The following THOP1 variants were observed in gnomAD, a reference collection of about 807,000 sequenced individuals.
THOP1 encodes thimet oligopeptidase.
A neutral mutation model predicts 71.8 loss-of-function variants in THOP1; 49 were observed. The ratio of observed to expected loss-of-function variants is 0.68; its 90% confidence interval spans 0.54 to 0.87. The LOEUF is 0.87. THOP1 is among the 40% of genes least tolerant of loss of function. THOP1 has a pLI of 0.00. For missense variants in THOP1, 843 were observed against 975.6 expected (o/e 0.86, Z 1.81); for synonymous variants, 426 against 421.5 (o/e 1.01, Z -0.13).
chr19:2,806,494 C>A (rs1319137110), intron 6 of THOP1: 2 of 232,256 alleles, frequency 8.6e-6, no homozygotes, highest in Non-Finnish European at 1.7e-5. Context: ...CATGCGTCCT[C>A]CCCCACCCCC....
chr19:2,799,365 G>T (rs1916089818), intron 4 of THOP1, among the ~76,000 whole-genome samples: 1 of 152,188 alleles, frequency 6.6e-6, no homozygotes, highest in Non-Finnish European at 1.5e-5. Flanking sequence ...CTCTGAAGGT[G>T]ATTCCTTAAT....
At chr19:2,788,991 C>T (rs1348970111) in intron 1 of THOP1, among the ~76,000 whole-genome samples, 1 of 152,206 alleles carries the variant, frequency 6.6e-6, no homozygotes, top group Admixed American at 6.5e-5. Context: ...GAACTCCTGA[C>T]CTCAAGTGAT....
chr19:2,807,001 G>A lies in THOP1; in HGVS notation c.835G>A (p.Val279Ile). ...GGGGTTCCACACGCACGCCGACTATGTCCTGGAGATGAACATGGCCAAGAC... is the reference window on the plus strand; with the variant it reads ...GGGGTTCCACACGCACGCCGACTATATCCTGGAGATGAACATGGCCAAGAC... ...LLGFHTHADY[V>I]LEMNMAKTSQ... Residue 279 changes from valine to isoleucine, a missense_variant, in exon 7 of 13, where the codon GTC becomes ATC. Physicochemically the swap from Val to Ile is conservative, Grantham distance 29. Coordinates refer to ENST00000307741, the MANE Select transcript of THOP1 (RefSeq NM_003249.5). 1 of 1,612,954 alleles carries A rather than the reference G, an allele frequency of 6.2e-7. No homozygotes were observed. Among genetic ancestry groups the A allele is most frequent in the Non-Finnish European group, 8.5e-7 (1 of 1,179,830 alleles).
At chr19:2,794,396 A>AT (rs1275591086) in intron 2 of THOP1, among the ~76,000 whole-genome samples, 2 of 152,222 alleles carry the variant, frequency 1.3e-5, no homozygotes. Flanking sequence ...TAAGTAGTTT[A>AT]TGCATTTAAA....
chr19:2,802,538 A>AACACCTCCCGACACCC, intron 5 of THOP1, among the ~76,000 whole-genome samples: 1 of 81,904 alleles, frequency 1.2e-5, no homozygotes, highest in African/African-American at 5.8e-5. Context: ...TCCCGACACC[A>AACACCTCCCGACACCC]ACACCTCCCG....
At chr19:2,813,081 C>T in intron 12 of THOP1, 34 bp from the exon 13 acceptor site, 4 of 1,580,304 alleles carry the variant, frequency 2.5e-6, no homozygotes, top group East Asian at 2.3e-5. Context: ...TCCCTGGGTC[C>T]CCACCCGGCC....
chr19:2,792,131 T>C (rs1477774414), intron 2 of THOP1, among the ~76,000 whole-genome samples: 3 of 152,246 alleles, frequency 2.0e-5, no homozygotes, highest in African/African-American at 7.2e-5. Flanking sequence ...GTCACTTGTC[T>C]AATCGGTCGC....
chr19:2,805,149 G>A lies in THOP1; in HGVS notation c.723G>A (p.Glu241=). The A allele has an allele frequency of 1.2e-6, 2 of 1,612,476 alleles. No individual in the cohort carries two copies. The highest frequency in any genetic ancestry group is 1.7e-6 in the Non-Finnish European group (2 of 1,179,732). ...CHVPETRRKV[E]EAFNCRCKEE... The stretch of plus-strand genomic sequence containing the variant: ...TGCCTGAGACCAGGAGGAAAGTGGA[G>A]GAGGCCTTCAACTGCCGGTGCAAGG... Residue 241 remains glutamate (E), a synonymous_variant, in exon 6 of 13, where the codon GAG becomes GAA. Coordinates refer to ENST00000307741, the MANE Select transcript of THOP1 (RefSeq NM_003249.5). This position sits in a 1 kb window ranked among gnomAD's most constrained non-coding sequence, Gnocchi z 6.6.
chr19:2,808,563 C>G, intron 9 of THOP1, 119 bp downstream of exon 9: 1 of 1,180,708 alleles, frequency 8.5e-7, no homozygotes, highest in Non-Finnish European at 1.2e-6. Context: ...CCGGTGGCTC[C>G]TTCATCCAAT....
At chr19:2,808,026 C>T (rs985016666) in intron 8 of THOP1, 1 of 783,010 alleles carries the variant, frequency 1.3e-6, no homozygotes. Flanking sequence ...CGCAGCTCTG[C>T]CCAGGCCGGA....
chr19:2,800,408 T>A (rs368190485), intron 5 of THOP1, among the ~76,000 whole-genome samples: 202 of 152,362 alleles, frequency 1.3e-3, no homozygotes, highest in South Asian at 2.7e-3. Flanking sequence ...GGTCTCAGAC[T>A]CCTGGGCTCA....
At position 2,785,650 on chromosome 19, in the gene THOP1, A is replaced by C. The variant is rs1915722949; in HGVS notation, c.-13A>C. ...GAAGGAGGGAGGGAGCCGCAGGCGC[A>C]GACCCACCCGCCATGAAGCCCCCCG... is the stretch of plus-strand genomic sequence containing the variant. On this transcript the variant is annotated 5_prime_UTR_variant, in exon 1 of 13. Coordinates refer to ENST00000307741, the MANE Select transcript of THOP1 (RefSeq NM_003249.5). The C allele has an allele frequency of 1.3e-6, 2 of 1,489,226 alleles. No individual in the cohort carries two copies. The highest frequency in any genetic ancestry group is 1.8e-6 in the Non-Finnish European group (2 of 1,118,070). 92.3% of individuals were successfully genotyped at this position (1,489,226 alleles called of 1,614,324 possible).
chr19:2,808,500 G>A, intron 9 of THOP1, 56 bp downstream of exon 9: 1 of 1,507,864 alleles, frequency 6.6e-7, no homozygotes, highest in East Asian at 2.4e-5. Flanking sequence ...GGCTGCCTGT[G>A]GTCAGCGAGG....
At chr19:2,800,592 T>TCC (rs2093442744) in intron 5 of THOP1, among the ~76,000 whole-genome samples, 1 of 152,248 alleles carries the variant, frequency 6.6e-6, no homozygotes, top group Admixed American at 6.5e-5. Flanking sequence ...GCCGGAGGCC[T>TCC]CCGCAGGTGG....
intron 9 of THOP1, 71 bp from the exon 10 acceptor site, chr19:2,810,218 GCACTGTGGCAGCTGA>G: frequency 6.7e-7 from 1 of 1,485,782 alleles, no homozygotes; most frequent in African/African-American, 1.4e-5. Context: ...CGCCCTGTTT[GCACTGTGGCAGCTGA>G]CACGGGCCAG....
In THOP1 at chr19:2,790,486, C is replaced by A. The variant is rs759951606; in HGVS notation, c.82C>A (p.Leu28Met). The A allele has an allele frequency of 6.2e-7, 1 of 1,605,664 alleles. No individual in the cohort carries two copies. Among genetic ancestry groups the A allele is most frequent in the Non-Finnish European group, 8.5e-7 (1 of 1,175,706 alleles). Residue 28 changes from leucine to methionine, a missense_variant, in exon 2 of 13, where the codon CTG (leucine) becomes ATG (methionine). By Grantham distance (15) the Leu-to-Met change is conservative (BLOSUM62 2). Coordinates refer to ENST00000307741, the MANE Select transcript of THOP1 (RefSeq NM_003249.5). ...CSVVNDLRWD[L>M]SAQQIEERTR... is the part of the protein sequence containing the mutation. ...TGTGGTAAACGACCTGCGGTGGGAC[C>A]TGAGTGCCCAGCAGATAGAGGAGCG... is the stretch of plus-strand genomic sequence containing the variant.
intron 1 of THOP1, among the ~76,000 whole-genome samples, chr19:2,789,673 C>T: frequency 6.6e-6 from 1 of 152,182 alleles, no homozygotes; most frequent in East Asian, 1.9e-4. Flanking sequence ...GTGGGTGGTC[C>T]TGGACTTCCC....
intron 9 of THOP1, chr19:2,810,080 A>C: frequency 1.7e-6 from 1 of 577,352 alleles, no homozygotes; most frequent in Non-Finnish European, 3.0e-6. Flanking sequence ...GGACGGGGTC[A>C]TGTGGCCGGC....
In THOP1 at chr19:2,804,682, C is replaced by T. The variant is rs912059422; in HGVS notation, c.590-334C>T. On this transcript the variant is annotated intron_variant, in intron 5 of 12. Transcript: ENST00000307741. The surrounding 1 kb of genome is among the most constrained non-coding windows in gnomAD (Gnocchi z 4.7). ...TTGGTGACGGCGCCCTGGAAGCCCA[C>T]GATGTCCGGGGGTTGGGCTGGATTT... The T allele has an allele frequency of 1.4e-5, 3 of 218,764 alleles. No individual in the cohort carries two copies. Among genetic ancestry groups the T allele is most frequent in the Non-Finnish European group, 2.7e-5 (3 of 111,728 alleles). The allele number at this position is 218,764 out of a possible 1,614,324, so 13.6% of individuals were successfully genotyped here.
Sources: gnomAD v4.1 joint callset for allele counts (sites outside exome capture counted in the v4.1 genomes callset) on GRCh38, gnomAD v4.1.1 for gene constraint, Gnocchi (gnomAD v3.1) non-coding constraint, MANE v1.5 for transcripts, NCBI Gene and HGNC (gene_info 2026-07-23, HGNC 2026-07-21) for gene names.